ZCCHC7: variants seen among roughly 807,000 people sequenced by gnomAD.
ZCCHC7 encodes the protein zinc finger CCHC domain-containing protein 7.
Under a neutral mutation model 52.0 loss-of-function variants are expected in ZCCHC7, and 35 were observed. The ratio of observed to expected loss-of-function variants is 0.67; its 90% CI spans 0.51 to 0.89. The LOEUF is 0.89. Ranked by LOEUF, ZCCHC7 falls within the 40% of genes least tolerant of loss-of-function variation. The pLI, the probability that ZCCHC7 is intolerant of heterozygous loss-of-function variation, is 0.00. For synonymous variants in ZCCHC7, 217 were observed against 221.5 expected (o/e 0.98, Z 0.18); for missense variants, 574 against 649.1 (o/e 0.88, Z 1.26).
intron 2 of ZCCHC7, among the ~76,000 whole-genome samples, chr9:37,202,082 A>G (rs1416559986): frequency 6.6e-6 from 1 of 152,242 alleles, no homozygotes; most frequent in African/African-American, 2.4e-5. Flanking sequence ...GCAACTCAGA[A>G]TGTCTCTGAT....
chr9:37,357,147 C>T lies in ZCCHC7; in HGVS notation c.1511C>T (p.Ser504Leu), dbSNP rs1360658997. Residue 504 changes from serine to leucine, a missense_variant, in exon 9 of 9, where the codon TCA becomes TTA. By Grantham distance (145) the Ser-to-Leu change is moderately radical. Transcript: ENST00000336755. ...CACCGTTCATCACATTACCACACGT[C>T]AAGAGAAGACAAGTCTCCCAAGGAA... ...PFHRSSHYHT[S>L]REDKSPKEGK... 5 of 1,613,170 alleles carry T rather than the reference C, an allele frequency of 3.1e-6. No individual in the cohort carries two copies. In the Admixed American group the frequency reaches 8.4e-5, roughly 27 times the overall value.
intron 6 of ZCCHC7, among the ~76,000 whole-genome samples, chr9:37,338,120 C>CGT (rs1419239535): frequency 1.3e-5 from 2 of 152,020 alleles, no homozygotes; most frequent in East Asian, 3.9e-4. Flanking sequence ...TACTGTGTTG[C>CGT]GTGTGTTCAT....
chr9:37,341,712 A>G (rs1363392505), intron 6 of ZCCHC7, among the ~76,000 whole-genome samples: 3 of 152,142 alleles, frequency 2.0e-5, no homozygotes, highest in Admixed American at 1.3e-4. Flanking sequence ...TAGGGTGCTC[A>G]GGAAGGCCTT....
At chr9:37,350,636 T>C (rs1821323491) in intron 7 of ZCCHC7, among the ~76,000 whole-genome samples, 1 of 152,200 alleles carries the variant, frequency 6.6e-6, no homozygotes, top group Admixed American at 6.5e-5. Context: ...AAACTGTGTG[T>C]GTTCTAGATG....
intron 2 of ZCCHC7, 39 bp from the exon 3 acceptor site, chr9:37,302,149 A>C (rs771974710): frequency 6.4e-7 from 1 of 1,554,978 alleles, no homozygotes; most frequent in Non-Finnish European, 8.8e-7. Flanking sequence ...AAGTCCTTTA[A>C]AAGTGCCACG....
intron 2 of ZCCHC7, among the ~76,000 whole-genome samples, chr9:37,278,132 T>C (rs1827779066): frequency 6.6e-6 from 1 of 151,924 alleles, no homozygotes; most frequent in Non-Finnish European, 1.5e-5. Flanking sequence ...TAATCTTAAC[T>C]CACTGCAGCC....
intron 2 of ZCCHC7, among the ~76,000 whole-genome samples, chr9:37,220,259 G>A (rs1035703301): frequency 1.1e-4 from 17 of 151,956 alleles, no homozygotes; most frequent in Non-Finnish European, 1.9e-4. Flanking sequence ...GAAGGGCATC[G>A]GCCAGGCGTG....
At chr9:37,329,452 A>G (rs1830370615) in intron 6 of ZCCHC7, among the ~76,000 whole-genome samples, 1 of 151,872 alleles carries the variant, frequency 6.6e-6, no homozygotes, top group Non-Finnish European at 1.5e-5. Flanking sequence ...AGGTATAACA[A>G]ATTCAATTTG....
At chr9:37,177,923 T>G (rs1458023748) in intron 2 of ZCCHC7, among the ~76,000 whole-genome samples, 2 of 152,150 alleles carry the variant, frequency 1.3e-5, no homozygotes, top group African/African-American at 4.8e-5. Context: ...CTGGATAGAA[T>G]TCTAGAACAG....
chr9:37,204,522 T>C (rs950247309), intron 2 of ZCCHC7, among the ~76,000 whole-genome samples: 2 of 152,238 alleles, frequency 1.3e-5, no homozygotes, highest in Admixed American at 6.5e-5. Flanking sequence ...GTTTTCTGTA[T>C]ATGGCTAGAC....
At chr9:37,310,011 A>G (rs912020605) in intron 5 of ZCCHC7, among the ~76,000 whole-genome samples, 1 of 152,164 alleles carries the variant, frequency 6.6e-6, no homozygotes, top group Non-Finnish European at 1.5e-5. Flanking sequence ...CCAGATTACC[A>G]GATATATGTA....
At chr9:37,136,701 T>G (rs988735924) in intron 2 of ZCCHC7, among the ~76,000 whole-genome samples, 1 of 152,206 alleles carries the variant, frequency 6.6e-6, no homozygotes, top group African/African-American at 2.4e-5. Context: ...GGTCTTGAAC[T>G]CTTGGCTCAA....
intron 2 of ZCCHC7, among the ~76,000 whole-genome samples, chr9:37,218,773 C>T (rs1466040118): frequency 6.6e-6 from 1 of 151,934 alleles, no homozygotes; most frequent in Non-Finnish European, 1.5e-5. Flanking sequence ...TGCGCCACTG[C>T]ACTCCAGCCT....
At chr9:37,314,827 G>A (rs1391087888) in intron 5 of ZCCHC7, among the ~76,000 whole-genome samples, 1 of 150,524 alleles carries the variant, frequency 6.6e-6, no homozygotes, top group Admixed American at 6.6e-5. Context: ...AAATTACACA[G>A]CAGTGAAGCA....
intron 2 of ZCCHC7, among the ~76,000 whole-genome samples, chr9:37,265,506 G>A (rs1827063736): frequency 6.6e-6 from 1 of 152,136 alleles, no homozygotes; most frequent in African/African-American, 2.4e-5. Flanking sequence ...TGTTTTGATT[G>A]AAATTATATT....
intron 2 of ZCCHC7, among the ~76,000 whole-genome samples, chr9:37,292,820 CTG>C (rs1278359768): frequency 2.6e-5 from 4 of 152,018 alleles, no homozygotes; most frequent in African/African-American, 4.8e-5. Context: ...AAATATGAAA[CTG>C]GATTTAGAGA....
At chr9:37,291,737 AG>A (rs1243416233) in intron 2 of ZCCHC7, among the ~76,000 whole-genome samples, 6 of 152,110 alleles carry the variant, frequency 3.9e-5, no homozygotes, top group Non-Finnish European at 8.8e-5. Flanking sequence ...CTTGTTGCCC[AG>A]GCTGGAGTGC....
intron 6 of ZCCHC7, among the ~76,000 whole-genome samples, chr9:37,342,627 G>C (rs535583132): frequency 6.6e-6 from 1 of 152,308 alleles, no homozygotes; most frequent in African/African-American, 2.4e-5. Context: ...AACTAGGAGA[G>C]CGTGTTGTCT....
intron 2 of ZCCHC7, among the ~76,000 whole-genome samples, chr9:37,235,217 A>G (rs1446980394): frequency 6.6e-6 from 1 of 152,048 alleles, no homozygotes; most frequent in Non-Finnish European, 1.5e-5. Flanking sequence ...TATTCCTCCT[A>G]TCCATCTGTT....
Sources: allele counts gnomAD v4.1 joint callset (sites outside exome capture counted in the v4.1 genomes callset), GRCh38; gene constraint gnomAD v4.1.1; transcripts MANE v1.5; gene names NCBI Gene and HGNC (gene_info 2026-07-23, HGNC 2026-07-21).